Variants in SLAIN2 observed in about 807,000 individuals in gnomAD.
The protein encoded by SLAIN2 is SLAIN motif-containing protein 2.
A neutral mutation model predicts 56.6 loss-of-function variants in SLAIN2; 31 were observed. That is an observed-to-expected ratio of 0.55 (90% confidence interval 0.41 to 0.74). The LOEUF (loss-of-function observed/expected upper bound fraction) is 0.74. SLAIN2 is among the 30% of genes least tolerant of loss of function. The pLI is 0.00. For missense variants in SLAIN2, 777 were observed against 754.2 expected, an observed-to-expected ratio of 1.03 and a Z score of -0.35; for synonymous variants, 317 against 284.9, an observed-to-expected ratio of 1.11 and a Z score of -1.13.
At chr4:48,380,122 T>C (rs1384824264) in intron 4 of SLAIN2, among the ~76,000 whole-genome samples, 1 of 152,142 alleles carries the variant, frequency 6.6e-6, no homozygotes, top group Non-Finnish European at 1.5e-5. Context: ...CCCTGCATGT[T>C]ACTCTGCACT....
At chr4:48,413,714 A>T (rs992057599) in intron 6 of SLAIN2, among the ~76,000 whole-genome samples, 10 of 152,154 alleles carry the variant, frequency 6.6e-5, no homozygotes, top group Non-Finnish European at 8.8e-5. Flanking sequence ...GTGTTTGGCA[A>T]TGTGTTTATT....
chr4:48,407,235 A>G (rs1316426017), intron 6 of SLAIN2, among the ~76,000 whole-genome samples: 2 of 151,794 alleles, frequency 1.3e-5, no homozygotes, highest in South Asian at 2.1e-4. Context: ...TACATTATGT[A>G]TTGTGTATAT....
At chr4:48,360,674 A>G (rs1715301839) in intron 1 of SLAIN2, among the ~76,000 whole-genome samples, 1 of 152,206 alleles carries the variant, frequency 6.6e-6, no homozygotes, top group Non-Finnish European at 1.5e-5. Context: ...TAACGTATTC[A>G]CAGAATAGTA....
At chr4:48,343,870 C>T (rs2109728972) in intron 1 of SLAIN2, among the ~76,000 whole-genome samples, 1 of 152,258 alleles carries the variant, frequency 6.6e-6, no homozygotes, top group East Asian at 1.9e-4. Flanking sequence ...TGCATTCTCC[C>T]AAAGGAATCT....
rs1168839159 is a variant in SLAIN2 at position 48,420,092 on chromosome 4, C to T, written c.1361-33C>T. On this transcript the variant is annotated intron_variant, in intron 6 of 7. Coordinates refer to ENST00000264313, the MANE Select transcript of SLAIN2 (RefSeq NM_020846.2). The stretch of plus-strand genomic sequence containing the variant: ...ATGGTTTCATATATACAGATTTCCA[C>T]TCAAAAATTGGTTTTTCTTTGCCAT... The T allele has an allele frequency of 3.1e-6, 5 of 1,604,170 alleles. No individual in the cohort carries two copies. In the South Asian group the frequency reaches 3.3e-5, roughly 11 times the overall value.
chr4:48,341,884 C>T lies in SLAIN2; in HGVS notation c.145C>T (p.Pro49Ser). The change falls in exon 1 of 8, where the codon CCG (proline) becomes TCG (serine). Residue 49 changes from proline to serine, a missense_variant. By Grantham distance (74) the Pro-to-Ser change is moderately conservative. Coordinates refer to ENST00000264313, the MANE Select transcript of SLAIN2 (RefSeq NM_020846.2). ...QGAGSLGPGS[P>S]VRAGASIPSS... is the part of the protein sequence containing the mutation. ...CGCCGGCTCCCTTGGGCCCGGCAGC[C>T]CGGTTCGGGCCGGCGCGTCCATTCC... The T allele has an allele frequency of 6.6e-7, 1 of 1,514,392 alleles. No individual in the cohort carries two copies. The highest frequency in any genetic ancestry group is 8.8e-7 in the Non-Finnish European group (1 of 1,132,288). 93.8% of individuals were successfully genotyped at this position (1,514,392 alleles called of 1,614,324 possible).
chr4:48,354,925 G>C (rs181265735), intron 1 of SLAIN2, among the ~76,000 whole-genome samples: 188 of 151,364 alleles, frequency 1.2e-3, no homozygotes, highest in Non-Finnish European at 2.2e-3. Context: ...TTGAGAAGGA[G>C]TCTTGCTCTT....
intron 6 of SLAIN2, among the ~76,000 whole-genome samples, chr4:48,386,678 A>G (rs1325417198): frequency 1.3e-5 from 2 of 152,154 alleles, no homozygotes; most frequent in Non-Finnish European, 2.9e-5. Flanking sequence ...CCATTATAAT[A>G]CTCACTGTAG....
chr4:48,361,226 G>A lies in SLAIN2; in HGVS notation c.390-8623G>A, dbSNP rs541177201. Among the ~76,000 whole-genome samples, 5 of 152,300 alleles carry A rather than the reference G, an allele frequency of 3.3e-5. No individual in the cohort carries two copies. In the East Asian group the frequency reaches 9.6e-4, roughly 29 times the overall value. On this transcript the variant is annotated intron_variant, in intron 1 of 7. Transcript: ENST00000264313. ...ACCCAATAGAAAATAGAGAAGAGCTGGATGAACTTGAGCAGGGGAGGGTGA... is the reference window on the plus strand; with the variant it reads ...ACCCAATAGAAAATAGAGAAGAGCTAGATGAACTTGAGCAGGGGAGGGTGA...
At chr4:48,390,698 T>A (rs1185430861) in intron 6 of SLAIN2, among the ~76,000 whole-genome samples, 1 of 152,170 alleles carries the variant, frequency 6.6e-6, no homozygotes, top group Non-Finnish European at 1.5e-5. Flanking sequence ...ATCATTTTTT[T>A]AAAAAGGAAA....
At chr4:48,361,938 A>G (rs1182084000) in intron 1 of SLAIN2, among the ~76,000 whole-genome samples, 2 of 152,214 alleles carry the variant, frequency 1.3e-5, no homozygotes, top group East Asian at 3.8e-4. Context: ...TGTAAATGAA[A>G]TTGTTATATC....
intron 1 of SLAIN2, among the ~76,000 whole-genome samples, chr4:48,363,381 G>A (rs1715387795): frequency 1.3e-5 from 1 of 78,466 alleles, no homozygotes; most frequent in African/African-American, 4.2e-5. Context: ...GCGGCTGGCC[G>A]GGCGGGGGGG....
At chr4:48,363,776 G>A (rs1470639298) in intron 1 of SLAIN2, among the ~76,000 whole-genome samples, 7 of 133,410 alleles carry the variant, frequency 5.2e-5, no homozygotes, top group South Asian at 2.7e-4. Flanking sequence ...CCCGGACGGG[G>A]CGGCTGGCCG....
chr4:48,420,339 A>T lies in SLAIN2; in HGVS notation c.1575A>T (p.Arg525Ser). Residue 525 changes from arginine to serine, a missense_variant, in exon 7 of 8, where the codon AGA (arginine) becomes AGT (serine). Arg to Ser is a moderately radical substitution (Grantham distance 110). Coordinates refer to ENST00000264313, the MANE Select transcript of SLAIN2 (RefSeq NM_020846.2). ...ATATCAACAGCGCTACTCTAACCAG[A>T]CCTGCAGGGACAACTGCAATGAGAA... ...PSNINSATLTRPAGTTAMRSG... is the reference protein window; with the variant it reads ...PSNINSATLTSPAGTTAMRSG... The T allele has an allele frequency of 1.2e-6, 2 of 1,614,004 alleles. No individual in the cohort carries two copies. Among genetic ancestry groups the T allele is most frequent in the Non-Finnish European group, 1.7e-6 (2 of 1,179,876 alleles).
rs538061237 is a variant in SLAIN2, at chr4:48,358,777, A to G, written c.390-11072A>G. On this transcript the variant is annotated intron_variant, in intron 1 of 7. Transcript: ENST00000264313. The stretch of plus-strand genomic sequence containing the variant: ...CTCTTGTCGTCCAGGCTGGAGTGCA[A>G]TGGTGTGATCTCAGCTCACTACAAC... Among the ~76,000 whole-genome samples, 25 of 151,700 alleles carry G rather than the reference A, an allele frequency of 1.6e-4. No homozygotes were observed. The South Asian group carries it at 2.1e-3, about 13-fold the overall frequency.
At chr4:48,386,096 A>G (rs893357274) in intron 6 of SLAIN2, among the ~76,000 whole-genome samples, 1 of 151,410 alleles carries the variant, frequency 6.6e-6, no homozygotes, top group African/African-American at 2.4e-5. Context: ...GAAAGAAAAA[A>G]AAAAAAAAAA....
chr4:48,418,180 T>C (rs1220150080), intron 6 of SLAIN2, among the ~76,000 whole-genome samples: 2 of 151,426 alleles, frequency 1.3e-5, no homozygotes, highest in Admixed American at 6.6e-5. Flanking sequence ...TTTTTTTTTT[T>C]CTTGTTTATT....
At position 48,342,080 on chromosome 4, in the gene SLAIN2, C is replaced by G; in HGVS notation, c.341C>G (p.Pro114Arg). ...GLLDEVEPLR[P>R]DELERLSGWE... ...CTGGACGAGGTGGAGCCGCTGCGGC[C>G]CGACGAGCTGGAGCGCCTGTCAGGC... The change falls in exon 1 of 8, where the codon CCC (proline) becomes CGC (arginine). Residue 114 changes from proline (P) to arginine (R), a missense_variant. Physicochemically the swap from Pro to Arg is moderately radical, Grantham distance 103. Transcript: ENST00000264313. 1 of 1,369,426 alleles carries G rather than the reference C, an allele frequency of 7.3e-7. No individual in the cohort carries two copies. The highest frequency in any genetic ancestry group is 9.4e-7 in the Non-Finnish European group (1 of 1,068,434). The allele number at this position is 1,369,426 out of a possible 1,614,324, so 84.8% of individuals were successfully genotyped here. A position where few individuals can be genotyped will look rare whatever the true frequency, so the allele number is the denominator to read the frequency against.
chr4:48,346,505 C>CT (rs1270521660), intron 1 of SLAIN2, among the ~76,000 whole-genome samples: 1 of 152,172 alleles, frequency 6.6e-6, no homozygotes, highest in Admixed American at 6.5e-5. Flanking sequence ...GGTTTTTATA[C>CT]TTTTTTGTCA....
Sources: gnomAD v4.1 joint callset for allele counts (sites outside exome capture counted in the v4.1 genomes callset) on GRCh38, gnomAD v4.1.1 for gene constraint, MANE v1.5 for transcripts, NCBI Gene and HGNC (gene_info 2026-07-23, HGNC 2026-07-21) for gene names.